The following CNTN5 variants were observed in gnomAD, a reference collection of about 807,000 sequenced individuals.
The protein encoded by CNTN5 is contactin-5.
In CNTN5, 77 loss-of-function variants were observed where a neutral mutation model predicts 129.1. The observed-to-expected ratio is 0.60, with a 90% CI of 0.50 to 0.72. The LOEUF (loss-of-function observed/expected upper bound fraction) is 0.72, where lower values mean the gene tolerates loss of function less well. Among genes scored for constraint, CNTN5 ranks in the 30% least tolerant of loss-of-function variants. The pLI is 0.00. For missense variants in CNTN5, 1,478 were observed against 1,328.8 expected (o/e 1.11, Z -1.75); for synonymous variants, 509 against 465.6 (o/e 1.09, Z -1.20).
At chr11:99,086,583 G>C (rs1866017299) in intron 1 of CNTN5, among the ~76,000 whole-genome samples, 1 of 152,106 alleles carries the variant, frequency 6.6e-6, no homozygotes, top group Admixed American at 6.6e-5. Context: ...TGATTCACTG[G>C]GCAGGGATTG....
intron 6 of CNTN5, among the ~76,000 whole-genome samples, chr11:99,852,370 G>C (rs187799483): frequency 6.6e-6 from 1 of 152,270 alleles, no homozygotes; most frequent in East Asian, 1.9e-4. Context: ...TATAGATGGT[G>C]TCTAGCTATT....
Position 100,144,542 on chromosome 11 carries a change from G to A in CNTN5, c.1581-46584G>A, listed in dbSNP as rs528153134. ...TTAAACAGACTTAGACCTTCTTGGC[G>A]CATTCAATATATGCATTTGCTCTGA... On this transcript the variant is annotated intron_variant, in intron 13 of 24. Transcript: ENST00000524871. Among the ~76,000 whole-genome samples the A allele has an allele frequency of 2.2e-4, 34 of 152,176 alleles. No homozygotes were observed. In the South Asian group the frequency reaches 2.7e-3, roughly 12 times the overall value.
chr11:99,624,907 A>C (rs1387353373), intron 3 of CNTN5, among the ~76,000 whole-genome samples: 1 of 152,140 alleles, frequency 6.6e-6, no homozygotes, highest in East Asian at 1.9e-4. Flanking sequence ...ATGTAGAAAA[A>C]CAGCTCAAAC....
At chr11:99,387,934 T>G (rs1941012440) in intron 2 of CNTN5, among the ~76,000 whole-genome samples, 1 of 151,240 alleles carries the variant, frequency 6.6e-6, no homozygotes, top group African/African-American at 2.4e-5. Flanking sequence ...GAAATGAAAG[T>G]ATCTGGGGGT....
intron 1 of CNTN5, among the ~76,000 whole-genome samples, chr11:99,063,517 TAAA>T (rs1864971708): frequency 2.4e-5 from 1 of 41,990 alleles, no homozygotes; most frequent in African/African-American, 9.1e-5. Context: ...CATAAATAAA[TAAA>T]TAAATAAATA....
intron 9 of CNTN5, among the ~76,000 whole-genome samples, chr11:100,038,641 T>G (rs892774603): frequency 2.0e-5 from 3 of 152,114 alleles, no homozygotes; most frequent in African/African-American, 7.2e-5. Flanking sequence ...GCTTTATGAA[T>G]CTGGGTGCTC....
At chr11:99,227,961 C>A (rs1392507555) in intron 1 of CNTN5, among the ~76,000 whole-genome samples, 1 of 151,960 alleles carries the variant, frequency 6.6e-6, no homozygotes, top group Non-Finnish European at 1.5e-5. Flanking sequence ...GGATATTTTC[C>A]CACATCATTA....
chr11:99,130,763 A>G (rs1291138589), intron 1 of CNTN5, among the ~76,000 whole-genome samples: 1 of 152,156 alleles, frequency 6.6e-6, no homozygotes, highest in Non-Finnish European at 1.5e-5. Context: ...GAAACAGTCC[A>G]TCAGACCACA....
intron 3 of CNTN5, among the ~76,000 whole-genome samples, chr11:99,634,838 G>A (rs909701248): frequency 3.3e-5 from 5 of 152,136 alleles, no homozygotes; most frequent in Admixed American, 2.0e-4. Context: ...CCTGGTGAAA[G>A]GTGACCCGTG....
chr11:99,268,039 AGTTAAGGTAT>A (rs140808406), intron 1 of CNTN5, among the ~76,000 whole-genome samples: 14,344 of 151,758 alleles, frequency 0.095, 711 homozygotes, highest in South Asian at 0.13. Flanking sequence ...TTTCTTATTT[AGTTAAGGTAT>A]GTGGCAGTCC....
chr11:99,775,687 T>C (rs1945099472), intron 3 of CNTN5, among the ~76,000 whole-genome samples: 1 of 152,024 alleles, frequency 6.6e-6, no homozygotes. Context: ...ATGCTCTCTC[T>C]CTATGTATAT....
chr11:99,734,035 T>C (rs1943620310), intron 3 of CNTN5, among the ~76,000 whole-genome samples: 1 of 152,134 alleles, frequency 6.6e-6, no homozygotes, highest in Non-Finnish European at 1.5e-5. Context: ...GTCAGCTTCT[T>C]TGTGGTGTTT....
At position 99,798,818 on chromosome 11, in the gene CNTN5, C is replaced by G. The variant is rs188727108; in HGVS notation, c.56-20726C>G. ...CTGTGAAGAATGATGTTTGTACGTTCGTAGGAATAGCATTGAATTTGCAGC... is the reference window on the plus strand; with the variant it reads ...CTGTGAAGAATGATGTTTGTACGTTGGTAGGAATAGCATTGAATTTGCAGC... On this transcript the variant is annotated intron_variant, in intron 3 of 24. Coordinates refer to ENST00000524871, the MANE Select transcript of CNTN5 (RefSeq NM_014361.4). Among the ~76,000 whole-genome samples, 589 of 152,040 alleles carry G rather than the reference C, an allele frequency of 3.9e-3. 4 individuals are homozygous for G. The highest frequency in any genetic ancestry group is 0.013 in the African/African-American group (554 of 41,500).
chr11:99,265,517 G>A (rs1215442297), intron 1 of CNTN5, among the ~76,000 whole-genome samples: 1 of 151,954 alleles, frequency 6.6e-6, no homozygotes, highest in East Asian at 1.9e-4. Flanking sequence ...TGAAGCTCTA[G>A]GCAAAATGAT....
chr11:99,347,274 G>A (rs1252468641), intron 2 of CNTN5, among the ~76,000 whole-genome samples: 1 of 152,082 alleles, frequency 6.6e-6, no homozygotes, highest in African/African-American at 2.4e-5. Flanking sequence ...TGCCTTTTGT[G>A]TTTCTATACT....
At chr11:99,936,981 G>T (rs137914068) in intron 7 of CNTN5, among the ~76,000 whole-genome samples, 1 of 152,244 alleles carries the variant, frequency 6.6e-6, no homozygotes, top group East Asian at 1.9e-4. Flanking sequence ...GAGACGCACA[G>T]GGATGATTAA....
chr11:100,007,657 T>C (rs916955112), intron 9 of CNTN5, among the ~76,000 whole-genome samples: 23 of 152,168 alleles, frequency 1.5e-4, no homozygotes, highest in African/African-American at 4.3e-4. Context: ...AGGTTTTGGC[T>C]TCAGGGAATG....
intron 1 of CNTN5, among the ~76,000 whole-genome samples, chr11:99,284,517 C>T (rs1185011206): frequency 1.3e-5 from 2 of 150,892 alleles, no homozygotes; most frequent in East Asian, 2.0e-4. Flanking sequence ...ACCTTGTTTA[C>T]CAGTGGTCTA....
intron 1 of CNTN5, among the ~76,000 whole-genome samples, chr11:99,043,925 G>T (rs928729159): frequency 2.6e-5 from 4 of 152,162 alleles, no homozygotes; most frequent in Admixed American, 2.0e-4. Context: ...GATGTTAAAT[G>T]AGACAGTGTG....
Sources: allele counts gnomAD v4.1 joint callset (sites outside exome capture counted in the v4.1 genomes callset), GRCh38; gene constraint gnomAD v4.1.1; transcripts MANE v1.5; gene names NCBI Gene and HGNC (gene_info 2026-07-23, HGNC 2026-07-21).